PDE1A: variants seen among roughly 807,000 people sequenced by gnomAD.
The protein encoded by PDE1A is dual specificity calcium/calmodulin-dependent 3',5'-cyclic nucleotide phosphodiesterase 1A.
A neutral mutation model predicts 61.7 loss-of-function variants in PDE1A; 35 were observed. That is an observed-to-expected ratio of 0.57 (90% CI 0.43 to 0.75). The LOEUF (loss-of-function observed/expected upper bound fraction) is 0.75, where lower values mean the gene tolerates loss of function less well. Ranked by LOEUF, PDE1A falls within the 30% of genes least tolerant of loss-of-function variation. The pLI is 0.00. For synonymous variants in PDE1A, 232 were observed against 213.2 expected (o/e 1.09, Z -0.77); for missense variants, 597 against 630.6 (o/e 0.95, Z 0.57).
At chr2:182,333,856 G>A (rs901918121) in intron 1 of PDE1A, among the ~76,000 whole-genome samples, 3 of 151,950 alleles carry the variant, frequency 2.0e-5, no homozygotes, top group Non-Finnish European at 4.4e-5. Flanking sequence ...GAAGAAACGA[G>A]AGAAGAATCA....
At chr2:182,212,584 C>T (rs1049319596) in intron 7 of PDE1A, among the ~76,000 whole-genome samples, 16 of 152,298 alleles carry the variant, frequency 1.1e-4, no homozygotes, top group South Asian at 6.2e-4. Flanking sequence ...CGAAGCAGGG[C>T]GAGGCATTGC....
At chr2:182,189,111 T>C in intron 10 of PDE1A, 51 bp from the exon 11 acceptor site, 1 of 1,173,766 alleles carries the variant, frequency 8.5e-7, no homozygotes, top group South Asian at 1.3e-5. Context: ...GAAGCTAAAA[T>C]AATGAGCAAC....
At chr2:182,713,181 T>C in the PDE1A span, among the ~76,000 whole-genome samples, 2 of 152,350 alleles carry the variant, frequency 1.3e-5, no homozygotes, top group African/African-American at 4.8e-5. Flanking sequence ...GTGAAACCTT[T>C]GGCAAATCTT....
intron 13 of PDE1A, among the ~76,000 whole-genome samples, chr2:182,155,207 A>G (rs577113046): frequency 1.6e-4 from 24 of 149,748 alleles, no homozygotes; most frequent in African/African-American, 5.7e-4. Flanking sequence ...CCAACTTCAG[A>G]CTCCCAAGTA....
chr2:182,549,533 T>C, the PDE1A span, among the ~76,000 whole-genome samples: 1,842 of 152,102 alleles, frequency 0.012, 40 homozygotes, highest in African/African-American at 0.042. Flanking sequence ...CTCTGGAAAA[T>C]ACCTCCAAAT....
the PDE1A span, among the ~76,000 whole-genome samples, chr2:182,703,424 G>T: frequency 2.0e-4 from 31 of 152,318 alleles, no homozygotes; most frequent in Admixed American, 6.5e-4. Flanking sequence ...TGATCAGGTT[G>T]CTGAATGGCA....
In PDE1A at chr2:182,288,749, T is replaced by C. The variant is rs1041844701; in HGVS notation, c.54-24335A>G. ...AACCTGCTTGTGGAATTTCTGTGGA[T>C]GACTATGCTTGCTTCCCTCTCTGAC... On this transcript the variant is annotated intron_variant, in intron 1 of 13. Coordinates refer to ENST00000351439, the Ensembl canonical transcript of PDE1A. 1.2e-4 allele frequency among the ~76,000 whole-genome samples: 18 copies of C among 152,142 alleles called. No homozygotes were observed. In the South Asian group the frequency reaches 1.9e-3, roughly 16 times the overall value.
At chr2:182,509,353 G>A (rs1326663353) in intron 2 of PDE1A, among the ~76,000 whole-genome samples, 1 of 152,176 alleles carries the variant, frequency 6.6e-6, no homozygotes, top group Admixed American at 6.5e-5. Flanking sequence ...CAAACCATAC[G>A]CCACATGATA....
the PDE1A span, among the ~76,000 whole-genome samples, chr2:182,655,474 C>T: frequency 6.6e-6 from 1 of 152,202 alleles, no homozygotes; most frequent in Non-Finnish European, 1.5e-5. Flanking sequence ...GATCTATTTC[C>T]ACACCTGCAT....
the PDE1A span, among the ~76,000 whole-genome samples, chr2:182,607,561 C>T: frequency 6.6e-6 from 1 of 152,182 alleles, no homozygotes; most frequent in East Asian, 1.9e-4. Flanking sequence ...CCTCCCTATA[C>T]TGGAGTTTCA....
intron 1 of PDE1A, among the ~76,000 whole-genome samples, chr2:182,403,741 A>G (rs1702147798): frequency 6.6e-6 from 1 of 152,074 alleles, no homozygotes; most frequent in Non-Finnish European, 1.5e-5. Context: ...AGAACAGAAA[A>G]CCATATACTG....
intron 10 of PDE1A, among the ~76,000 whole-genome samples, chr2:182,192,629 T>C (rs1211931498): frequency 6.6e-6 from 1 of 152,142 alleles, no homozygotes; most frequent in Non-Finnish European, 1.5e-5. Context: ...ATATTTTTCT[T>C]AGAGGTTTCG....
At chr2:182,248,040 T>C (rs1053138332) in intron 2 of PDE1A, among the ~76,000 whole-genome samples, 2 of 152,018 alleles carry the variant, frequency 1.3e-5, no homozygotes. Context: ...CCTTAGGAAT[T>C]CTTAAAATGT....
At chr2:182,169,891 GACAC>G (rs748862736) in intron 13 of PDE1A, among the ~76,000 whole-genome samples, 1,990 of 140,014 alleles carry the variant, frequency 0.014, 17 homozygotes, top group Non-Finnish European at 0.021. Flanking sequence ...GTGGACAGGA[GACAC>G]ACACACACAC....
the PDE1A span, among the ~76,000 whole-genome samples, chr2:182,619,089 C>G: frequency 5.0e-4 from 76 of 150,782 alleles, no homozygotes; most frequent in Admixed American, 8.6e-4. Flanking sequence ...GATACTATAA[C>G]AAGTTCACCC....
intron 2 of PDE1A, among the ~76,000 whole-genome samples, chr2:182,514,908 T>C (rs189828087): frequency 6.6e-4 from 101 of 152,276 alleles, no homozygotes; most frequent in African/African-American, 2.3e-3. Flanking sequence ...AGTTCTGCAG[T>C]TTTGAAGGTT....
At chr2:182,493,431 G>A (rs949714413) in intron 2 of PDE1A, among the ~76,000 whole-genome samples, 1 of 151,840 alleles carries the variant, frequency 6.6e-6, no homozygotes, top group East Asian at 1.9e-4. Context: ...ATCCCTCCCC[G>A]CCTCCTCACC....
intron 2 of PDE1A, among the ~76,000 whole-genome samples, chr2:182,251,086 A>G (rs2125731066): frequency 6.6e-6 from 1 of 152,276 alleles, no homozygotes; most frequent in East Asian, 1.9e-4. Flanking sequence ...GCTCAAAAAC[A>G]TTTTTGAAAA....
At chr2:182,441,831 C>CA (rs1684816619) in intron 2 of PDE1A, among the ~76,000 whole-genome samples, 1 of 151,910 alleles carries the variant, frequency 6.6e-6, no homozygotes, top group African/African-American at 2.4e-5. Context: ...ATCTGAGCAT[C>CA]AAAATAAATA....
Sources: allele counts gnomAD v4.1 joint callset (sites outside exome capture counted in the v4.1 genomes callset), GRCh38; gene constraint gnomAD v4.1.1; transcripts MANE v1.5; gene names NCBI Gene and HGNC (gene_info 2026-07-23, HGNC 2026-07-21).